The following JAZF1 variants were observed in gnomAD, a reference collection of about 807,000 sequenced individuals.
JAZF1 encodes juxtaposed with another zinc finger protein 1.
In JAZF1, 8 loss-of-function variants were observed where a neutral mutation model predicts 26.4. That is an observed-to-expected ratio of 0.30 (90% confidence interval 0.18 to 0.55). The LOEUF (loss-of-function observed/expected upper bound fraction) is 0.55. Among genes scored for constraint, JAZF1 ranks in the 20% least tolerant of loss-of-function variants. JAZF1 has a pLI of 0.94. For synonymous variants in JAZF1, 126 were observed against 122.3 expected, an observed-to-expected ratio of 1.03 and a Z score of -0.20; for missense variants, 199 against 322.0, an observed-to-expected ratio of 0.62 and a Z score of 2.92.
chr7:28,129,187 A>T (rs531966926), intron 1 of JAZF1, among the ~76,000 whole-genome samples: 1 of 152,222 alleles, frequency 6.6e-6, no homozygotes, highest in South Asian at 2.1e-4. Flanking sequence ...TCTACCTCTC[A>T]TATTTTAGAG....
rs58448766 is a variant in JAZF1, at chr7:28,120,501, CTTTTTTTTTTT to C, written c.115+59951_115+59961del. 1.5e-4 allele frequency among the ~76,000 whole-genome samples: 9 copies of C among 59,014 alleles called. No individual in the cohort carries two copies. In the East Asian group the frequency reaches 5.4e-3, roughly 36 times the overall value. The allele number at this position is 59,014 out of a possible 152,430, so 38.7% of individuals were successfully genotyped here. A position where few individuals can be genotyped will look rare whatever the true frequency, so the allele number is the denominator to read the frequency against. On this transcript the variant is annotated intron_variant, in intron 1 of 4. Transcript: ENST00000283928. ...TCTGAACCACTAGCCACACACAGTT[CTTTTTTTTTTT>C]TTTTTTTTTTTTTTGAGACAGAGTC... is the stretch of plus-strand genomic sequence containing the variant.
rs1264120090 is a variant in JAZF1, at chr7:28,180,573, G to A, written c.5C>T (p.Thr2Ile). 6.2e-7 allele frequency: 1 copy of A among 1,606,406 alleles called. No homozygotes were observed. The highest frequency in any genetic ancestry group is 1.7e-5 in the Admixed American group (1 of 59,506). The change falls in exon 1 of 5, where the codon ACA (threonine) becomes ATA (isoleucine). Residue 2 changes from threonine to isoleucine, a missense_variant. Physicochemically the swap from Thr to Ile is moderately conservative, Grantham distance 89. Transcript: ENST00000283928. M[T>I]GIAAASFFSN... Reference sequence around the variant, plus strand: ...GAAGAAGGAGGCGGCGGCGATGCCTGTCATGGTGCTACATCGAGAGCCCCC... The same window carrying A: ...GAAGAAGGAGGCGGCGGCGATGCCTATCATGGTGCTACATCGAGAGCCCCC...
At chr7:27,918,172 T>C (rs146074750) in intron 2 of JAZF1, among the ~76,000 whole-genome samples, 1 of 152,336 alleles carries the variant, frequency 6.6e-6, no homozygotes, top group Non-Finnish European at 1.5e-5. Context: ...CACTGAAATT[T>C]GGGGATTTGT....
In JAZF1 at chr7:27,969,800, T is replaced by C. The variant is rs184843445; in HGVS notation, c.188+22109A>G. ...AGGCAATGTGTATGAGGCAAGACAA[T>C]GGAGTTGGAGATTAGGAGACACAGG... On this transcript the variant is annotated intron_variant, in intron 2 of 4. Coordinates refer to ENST00000283928, the MANE Select transcript of JAZF1 (RefSeq NM_175061.4). Among the ~76,000 whole-genome samples the C allele has an allele frequency of 6.9e-3, 424 of 61,736 alleles. 3 individuals are homozygous for C. Among genetic ancestry groups the C allele is most frequent in the African/African-American group, 0.015 (394 of 26,212 alleles). The allele number at this position is 61,736 out of a possible 152,430, so 40.5% of individuals were successfully genotyped here.
intron 2 of JAZF1, among the ~76,000 whole-genome samples, chr7:27,978,183 C>A (rs1453393930): frequency 2.0e-5 from 3 of 152,296 alleles, no homozygotes; most frequent in Non-Finnish European, 2.9e-5. Flanking sequence ...TAAACAAATT[C>A]ATTTATTCAT....
At chr7:28,104,178 C>T (rs761174364) in intron 1 of JAZF1, among the ~76,000 whole-genome samples, 1 of 152,242 alleles carries the variant, frequency 6.6e-6, no homozygotes, top group East Asian at 1.9e-4. Context: ...CTCCCTGGGG[C>T]GACTCCCCAG....
At chr7:27,848,554 C>G (rs1783074427) in intron 3 of JAZF1, among the ~76,000 whole-genome samples, 1 of 152,194 alleles carries the variant, frequency 6.6e-6, no homozygotes, top group African/African-American at 2.4e-5. Context: ...CACAAAGGAT[C>G]CACCGGCTGT....
intron 1 of JAZF1, among the ~76,000 whole-genome samples, chr7:28,163,332 G>A (rs868315839): frequency 1.3e-5 from 2 of 152,194 alleles, no homozygotes; most frequent in Non-Finnish European, 2.9e-5. Flanking sequence ...AAGGGAAAAA[G>A]AGGTTCCCAA....
At chr7:28,017,831 TG>T (rs1447200017) in intron 1 of JAZF1, among the ~76,000 whole-genome samples, 2 of 152,230 alleles carry the variant, frequency 1.3e-5, no homozygotes, top group Non-Finnish European at 2.9e-5. Flanking sequence ...TGGAGTGCAG[TG>T]GCACGATCTC....
chr7:28,133,595 G>A (rs1782833516), intron 1 of JAZF1, among the ~76,000 whole-genome samples: 1 of 152,124 alleles, frequency 6.6e-6, no homozygotes, highest in African/African-American at 2.4e-5. Context: ...CTAGAACCAG[G>A]CTTCCACTTG....
At chr7:27,907,006 C>T (rs987228791) in intron 2 of JAZF1, among the ~76,000 whole-genome samples, 3 of 152,098 alleles carry the variant, frequency 2.0e-5, no homozygotes, top group South Asian at 2.1e-4. Flanking sequence ...TGAGATGATG[C>T]GTAACTTTCC....
chr7:27,973,055 T>A (rs1053103849), intron 2 of JAZF1, among the ~76,000 whole-genome samples: 1 of 151,762 alleles, frequency 6.6e-6, no homozygotes, highest in African/African-American at 2.4e-5. Context: ...TATATATGCA[T>A]ATCTCCATAC....
intron 1 of JAZF1, among the ~76,000 whole-genome samples, chr7:28,040,381 G>T (rs774673176): frequency 6.6e-6 from 1 of 152,160 alleles, no homozygotes; most frequent in Non-Finnish European, 1.5e-5. Flanking sequence ...CAACAAATAT[G>T]TAAGAAAATA....
At chr7:27,871,917 G>A (rs1171223859) in intron 3 of JAZF1, among the ~76,000 whole-genome samples, 3 of 152,136 alleles carry the variant, frequency 2.0e-5, no homozygotes, top group Non-Finnish European at 4.4e-5. Flanking sequence ...AGAAAGTGGT[G>A]GTACTATCTG....
In JAZF1 at chr7:28,006,377, C is replaced by CA. The variant is rs1275211967; in HGVS notation, c.116-14397dup. Among the ~76,000 whole-genome samples the CA allele has an allele frequency of 3.3e-5, 5 of 151,742 alleles. No individual in the cohort carries two copies. The East Asian group carries it at 9.7e-4, about 29-fold the overall frequency. ...GAGCAAGACTGTGTCTCAAAAAAAA[C>CA]AAAAAACAAAAACCCCAAACACCAA... is the stretch of plus-strand genomic sequence containing the variant. On this transcript the variant is annotated intron_variant, in intron 1 of 4. Coordinates refer to ENST00000283928, the MANE Select transcript of JAZF1 (RefSeq NM_175061.4).
intron 1 of JAZF1, among the ~76,000 whole-genome samples, chr7:27,993,879 C>T (rs2128365901): frequency 6.6e-6 from 1 of 152,154 alleles, no homozygotes; most frequent in South Asian, 2.1e-4. Flanking sequence ...GAAAAGGGCA[C>T]CGTTAGGAGT....
intron 1 of JAZF1, among the ~76,000 whole-genome samples, chr7:28,092,182 A>G (rs1335062086): frequency 1.3e-5 from 2 of 151,394 alleles, no homozygotes; most frequent in Non-Finnish European, 2.9e-5. Context: ...AGGGCACTCA[A>G]TGGGTAGGAG....
intron 2 of JAZF1, among the ~76,000 whole-genome samples, chr7:27,936,381 C>T (rs1350468823): frequency 6.6e-6 from 1 of 152,188 alleles, no homozygotes; most frequent in African/African-American, 2.4e-5. Flanking sequence ...CAGTGGAATC[C>T]AGACTGGCCA....
chr7:28,169,113 C>T (rs933469004), intron 1 of JAZF1, among the ~76,000 whole-genome samples: 3 of 152,244 alleles, frequency 2.0e-5, no homozygotes, highest in Admixed American at 1.3e-4. Flanking sequence ...ATATACTACA[C>T]TGAAGGTGCC....
Sources: gnomAD v4.1 joint callset for allele counts (sites outside exome capture counted in the v4.1 genomes callset) on GRCh38, gnomAD v4.1.1 for gene constraint, MANE v1.5 for transcripts, NCBI Gene and HGNC (gene_info 2026-07-23, HGNC 2026-07-21) for gene names.